The following INTS10 variants were observed in gnomAD, a reference collection of about 807,000 sequenced individuals.
INTS10 encodes the protein chromosome 8 open reading frame 35.
In INTS10, 44 loss-of-function variants were observed where a neutral mutation model predicts 94.4. The observed-to-expected ratio is 0.47, with a 90% CI of 0.37 to 0.60. The LOEUF is 0.60. Among genes scored for constraint, INTS10 ranks in the 20% least tolerant of loss-of-function variants. The pLI, the probability that INTS10 is intolerant of heterozygous loss-of-function variation, is 0.00. For synonymous variants in INTS10, 341 were observed against 320.7 expected, an observed-to-expected ratio of 1.06 and a Z score of -0.68; for missense variants, 797 against 868.7, an observed-to-expected ratio of 0.92 and a Z score of 1.04.
chr8:19,825,377 T>C (rs1589946047), intron 8 of INTS10, among the ~76,000 whole-genome samples: 1 of 152,114 alleles, frequency 6.6e-6, no homozygotes, highest in South Asian at 2.1e-4. Flanking sequence ...AATACAAATA[T>C]TAGCTGGGCA....
At chr8:19,842,344 G>C (rs552868114) in intron 13 of INTS10, among the ~76,000 whole-genome samples, 2 of 152,290 alleles carry the variant, frequency 1.3e-5, no homozygotes, top group South Asian at 4.1e-4. Flanking sequence ...TTATATAGTA[G>C]ACTGAAAGCA....
At chr8:19,845,145 T>G (rs1289527389) in intron 15 of INTS10, among the ~76,000 whole-genome samples, 1 of 152,172 alleles carries the variant, frequency 6.6e-6, no homozygotes, top group East Asian at 1.9e-4. Flanking sequence ...ACTAGAAAAA[T>G]GCATACATGA....
chr8:19,825,006 C>T lies in INTS10; in HGVS notation c.1006+34C>T, dbSNP rs143321902. 1.6e-4 allele frequency: 249 copies of T among 1,566,212 alleles called. 1 individual carries two copies. In the African/African-American group the frequency reaches 3.0e-3, roughly 19 times the overall value. On this transcript the variant is annotated intron_variant, in intron 8 of 16. Transcript: ENST00000397977. ...ACAAATTTTAGAGTGTCCAAAAAGC[C>T]AGTTCATACTGTGGGGATGGTAAGG... is the stretch of plus-strand genomic sequence containing the variant.
chr8:19,826,507 A>G lies in INTS10; in HGVS notation c.1088A>G (p.Asn363Ser). Residue 363 changes from asparagine (N) to serine (S), a missense_variant, in exon 9 of 17, where the codon AAT becomes AGT. Coordinates refer to ENST00000397977, the MANE Select transcript of INTS10 (RefSeq NM_018142.4). Reference sequence around the variant, plus strand: ...TATGGTGATGTAGAAATTGATCGTAATAAACACATCCATAAAAAGAGGAAA... The same window carrying G: ...TATGGTGATGTAGAAATTGATCGTAGTAAACACATCCATAAAAAGAGGAAA... ...NVYGDVEIDR[N>S]KHIHKKRKLA... is the part of the protein sequence containing the mutation. 1 of 1,613,206 alleles carries G rather than the reference A, an allele frequency of 6.2e-7. No homozygotes were observed. The highest frequency in any genetic ancestry group is 1.1e-5 in the South Asian group (1 of 90,712).
intron 16 of INTS10, 34 bp downstream of exon 16, chr8:19,845,831 G>C: frequency 1.4e-6 from 2 of 1,417,516 alleles, no homozygotes; most frequent in Non-Finnish European, 2.0e-6. Flanking sequence ...TCCATGCTGA[G>C]TGCTCACCTT....
In INTS10 at chr8:19,849,890, T is replaced by A. The variant is rs573119377; in HGVS notation, c.1977-1759T>A. ...TATAATTGAATTGTGCCACTCTTTA[T>A]ATATGGAGATAATACAAATTGGACC... On this transcript the variant is annotated intron_variant, in intron 16 of 16. Transcript: ENST00000397977. This position sits in a 1 kb window ranked among gnomAD's most constrained non-coding sequence, Gnocchi z 4.6. 6.6e-6 allele frequency among the ~76,000 whole-genome samples: 1 copy of A among 152,152 alleles called. No individual in the cohort carries two copies. Among genetic ancestry groups the A allele is most frequent in the African/African-American group, 2.4e-5 (1 of 41,430 alleles).
Position 19,852,044 on chromosome 8 carries a change from A to G in INTS10, c.*239A>G, listed in dbSNP as rs892422593. The G allele has an allele frequency of 3.0e-6, 1 of 336,758 alleles. No homozygotes were observed. 20.9% of individuals were successfully genotyped at this position (336,758 alleles called of 1,614,324 possible). The stretch of plus-strand genomic sequence containing the variant: ...ACAAAAGTACCAATCTGTTTTGTAA[A>G]TAAAAATCATCCTAAAATTTGAAGT... On this transcript the variant is annotated 3_prime_UTR_variant, in exon 17 of 17. Coordinates refer to ENST00000397977, the MANE Select transcript of INTS10 (RefSeq NM_018142.4).
Position 19,851,780 on chromosome 8 carries a change from T to G in INTS10, c.2108T>G (p.Ile703Ser), listed in dbSNP as rs1385528931. ...VLHRFCINEK[I>S]LLLQTLT ...CACAGGTTCTGCATTAATGAGAAGATCTTGCTCCTTCAGACTCTGACCTGA... is the reference window on the plus strand; with the variant it reads ...CACAGGTTCTGCATTAATGAGAAGAGCTTGCTCCTTCAGACTCTGACCTGA... Residue 703 changes from isoleucine (I) to serine (S), a missense_variant, in exon 17 of 17, where the codon ATC becomes AGC. By Grantham distance (142) the Ile-to-Ser change is moderately radical. Transcript: ENST00000397977. The surrounding 1 kb of genome is among the most constrained non-coding windows in gnomAD (Gnocchi z 5.0). 2 of 1,614,022 alleles carry G rather than the reference T, an allele frequency of 1.2e-6. No homozygotes were observed. Among genetic ancestry groups the G allele is most frequent in the Non-Finnish European group, 1.7e-6 (2 of 1,180,012 alleles).
intron 15 of INTS10, among the ~76,000 whole-genome samples, chr8:19,844,574 C>G (rs2068414844): frequency 6.6e-6 from 1 of 152,178 alleles, no homozygotes; most frequent in African/African-American, 2.4e-5. Flanking sequence ...CTAATAGTTC[C>G]TCTTCTTCCA....
Position 19,820,372 on chromosome 8 carries a change from C to T in INTS10, c.302-7C>T, listed in dbSNP as rs750653301. 51 of 1,600,876 alleles carry T rather than the reference C, an allele frequency of 3.2e-5. No homozygotes were observed. Among genetic ancestry groups the T allele is most frequent in the Admixed American group, 1.7e-4 (10 of 58,362 alleles). On this transcript the variant is annotated splice_region_variant and splice_polypyrimidine_tract_variant and intron_variant, in intron 3 of 16. Coordinates refer to ENST00000397977, the MANE Select transcript of INTS10 (RefSeq NM_018142.4). Reference sequence around the variant, plus strand: ...AAACTTTTAAAAGTGAAATATGTTTCGTACAGGTTTATTTGAAACTCTTCC... The same window carrying T: ...AAACTTTTAAAAGTGAAATATGTTTTGTACAGGTTTATTTGAAACTCTTCC...
chr8:19,842,167 T>A (rs571809097), intron 13 of INTS10, among the ~76,000 whole-genome samples: 2 of 152,208 alleles, frequency 1.3e-5, no homozygotes, highest in Non-Finnish European at 2.9e-5. Flanking sequence ...AAATTGGAAA[T>A]GTCAATATCC....
intron 11 of INTS10, 59 bp from the exon 12 acceptor site, chr8:19,833,110 T>A: frequency 7.0e-7 from 1 of 1,431,302 alleles, no homozygotes; most frequent in South Asian, 1.5e-5. Context: ...ACGGTATTTT[T>A]TAAATTTCTT....
At position 19,842,833 on chromosome 8, in the gene INTS10, G is replaced by A. The variant is rs1397655170; in HGVS notation, c.1640-15G>A. 17 of 1,576,746 alleles carry A rather than the reference G, an allele frequency of 1.1e-5. No homozygotes were observed. Among genetic ancestry groups the A allele is most frequent in the Admixed American group, 1.7e-5 (1 of 59,672 alleles). On this transcript the variant is annotated splice_polypyrimidine_tract_variant and intron_variant, in intron 13 of 16. Coordinates refer to ENST00000397977, the MANE Select transcript of INTS10 (RefSeq NM_018142.4). ...TAATAACATACATTAACCTAACATT[G>A]TGGACTTCTGTTAGGTTCGGATCTG...
chr8:19,830,564 G>T lies in INTS10; in HGVS notation c.1294+5G>T. ...CCCTAGAATTCCTTGACAAAGGTAA[G>T]AAAGCGCATGTCATTGGTGCTGTTT... On this transcript the variant is annotated splice_donor_5th_base_variant and intron_variant, in intron 10 of 16. Coordinates refer to ENST00000397977, the MANE Select transcript of INTS10 (RefSeq NM_018142.4). The T allele has an allele frequency of 6.2e-7, 1 of 1,609,520 alleles. No individual in the cohort carries two copies. The highest frequency in any genetic ancestry group is 8.5e-7 in the Non-Finnish European group (1 of 1,178,188).
intron 13 of INTS10, among the ~76,000 whole-genome samples, chr8:19,839,037 A>G (rs1204052545): frequency 5.3e-5 from 8 of 151,754 alleles, no homozygotes; most frequent in African/African-American, 7.3e-5. Flanking sequence ...GCGCCACTAC[A>G]CTCCAGCCTG....
At chr8:19,839,205 T>A (rs1008635852) in intron 13 of INTS10, among the ~76,000 whole-genome samples, 1 of 152,062 alleles carries the variant, frequency 6.6e-6, no homozygotes, top group South Asian at 2.1e-4. Flanking sequence ...CTTAGCAAAC[T>A]AGGAATAGAA....
At chr8:19,822,379 A>G in intron 4 of INTS10, 60 bp from the exon 5 acceptor site, 2 of 975,822 alleles carry the variant, frequency 2.0e-6, no homozygotes, top group South Asian at 1.4e-5. Flanking sequence ...CCATTACTTC[A>G]TATAGTTCTG....
At chr8:19,850,787 C>G (rs1029624291) in intron 16 of INTS10, among the ~76,000 whole-genome samples, 2 of 152,100 alleles carry the variant, frequency 1.3e-5, no homozygotes, top group Non-Finnish European at 2.9e-5. Flanking sequence ...CTAGATTTTT[C>G]TTTTCGTTTC....
rs1280078280 is a variant in INTS10, at chr8:19,840,020, A to C, written c.1640-2828A>C. Among the ~76,000 whole-genome samples, 7 of 130,478 alleles carry C rather than the reference A, an allele frequency of 5.4e-5. No individual in the cohort carries two copies. In the East Asian group the frequency reaches 1.5e-3, roughly 28 times the overall value. The allele number at this position is 130,478 out of a possible 152,430, so 85.6% of individuals were successfully genotyped here. A position where few individuals can be genotyped will look rare whatever the true frequency, so the allele number is the denominator to read the frequency against. On this transcript the variant is annotated intron_variant, in intron 13 of 16. Transcript: ENST00000397977. ...GGAGGTTTCATTGAGCCAAGATTGCACCACTGCACTCCAGCCTAGGCGACA... is the reference window on the plus strand; with the variant it reads ...GGAGGTTTCATTGAGCCAAGATTGCCCCACTGCACTCCAGCCTAGGCGACA...
Sources: gnomAD v4.1 joint callset for allele counts (sites outside exome capture counted in the v4.1 genomes callset) on GRCh38, gnomAD v4.1.1 for gene constraint, Gnocchi (gnomAD v3.1) non-coding constraint, MANE v1.5 for transcripts, NCBI Gene and HGNC (gene_info 2026-07-23, HGNC 2026-07-21) for gene names.